Variants in REXO4 observed in about 807,000 individuals in gnomAD.
The protein encoded by REXO4 is RNA exonuclease 4.
A neutral mutation model predicts 39.9 loss-of-function variants in REXO4; 29 were observed. The ratio of observed to expected loss-of-function variants is 0.73; its 90% CI spans 0.54 to 0.99. The LOEUF (loss-of-function observed/expected upper bound fraction) is 0.99, where lower values mean the gene tolerates loss of function less well. REXO4 is among the 50% of genes least tolerant of loss of function. The pLI is 0.00. For synonymous variants in REXO4, 184 were observed against 206.2 expected, an observed-to-expected ratio of 0.89 and a Z score of 0.92; for missense variants, 524 against 546.5, an observed-to-expected ratio of 0.96 and a Z score of 0.41.
intron 1 of REXO4, among the ~76,000 whole-genome samples, 189 bp from the exon 2 acceptor site, chr9:133,415,200 TGTG>T (rs1554781300): frequency 6.6e-6 from 1 of 152,200 alleles, no homozygotes; most frequent in Non-Finnish European, 1.5e-5. Flanking sequence ...ATGGGTCACT[TGTG>T]GTGAAATGCT....
chr9:133,414,148 C>T (rs1554780884), intron 2 of REXO4, among the ~76,000 whole-genome samples: 1 of 152,214 alleles, frequency 6.6e-6, no homozygotes. Flanking sequence ...CAGCTCACTG[C>T]AGCCTCAACC....
chr9:133,408,736 A>G (rs781936701), intron 6 of REXO4, 32 bp downstream of exon 6: 28 of 1,426,914 alleles, frequency 2.0e-5, no homozygotes, highest in Non-Finnish European at 2.8e-5. Flanking sequence ...AAACAGAAAT[A>G]CAGTATCTTG....
At chr9:133,410,919 G>T in intron 5 of REXO4, 66 bp downstream of exon 5, 1 of 1,197,378 alleles carries the variant, frequency 8.4e-7, no homozygotes, top group Non-Finnish European at 1.2e-6. Flanking sequence ...CCCCAACACA[G>T]CAAGGGCGTG....
At chr9:133,407,739 G>T in intron 7 of REXO4, 68 bp downstream of exon 7, 3 of 1,267,680 alleles carry the variant, frequency 2.4e-6, no homozygotes, top group South Asian at 2.5e-5. Context: ...TGTGTCAGGT[G>T]ACTCATGTCT....
In REXO4 at chr9:133,406,151, T is replaced by C. The variant is rs946880930; in HGVS notation, c.*802A>G. 6 of 152,384 alleles carry C rather than the reference T, an allele frequency of 3.9e-5. No individual in the cohort carries two copies. Among genetic ancestry groups the C allele is most frequent in the African/African-American group, 1.2e-4 (5 of 41,584 alleles). The allele number at this position is 152,384 out of a possible 1,614,324, so 9.4% of individuals were successfully genotyped here. ...AGCTGTCAGGTGGCCCAATAACGCC[T>C]TGGACTCCGTCCCCTTGTCAGTGCC... On this transcript the variant is annotated 3_prime_UTR_variant, in exon 8 of 8. Coordinates refer to ENST00000371942, the MANE Select transcript of REXO4 (RefSeq NM_020385.4).
At chr9:133,416,992 C>A (rs1323779511) in intron 1 of REXO4, among the ~76,000 whole-genome samples, 3 of 152,208 alleles carry the variant, frequency 2.0e-5, no homozygotes, top group African/African-American at 7.2e-5. Context: ...CCCTGTCTTG[C>A]TACACAGACC....
chr9:133,408,787 G>A lies in REXO4; in HGVS notation c.1055C>T (p.Pro352Leu), dbSNP rs1449082549. The A allele has an allele frequency of 2.5e-6, 4 of 1,597,160 alleles. No individual in the cohort carries two copies. The highest frequency in any genetic ancestry group is 1.1e-5 in the South Asian group (1 of 90,314). Residue 352 changes from proline (P) to leucine (L), a missense_variant, in exon 6 of 8, where the codon CCT becomes CTT. By Grantham distance (98) the Pro-to-Leu change is moderately conservative. Transcript: ENST00000371942. ...AAGTACCTTTACTTGACTCTTGAAA[G>A]GTTTATATTTCTGTGTGTCCCGAAT... ...KKIRDTQKYK[P>L]FKSQVKSGRP...
intron 1 of REXO4, among the ~76,000 whole-genome samples, chr9:133,417,187 G>A (rs1839682898): frequency 6.6e-6 from 1 of 152,170 alleles, no homozygotes; most frequent in Non-Finnish European, 1.5e-5. Context: ...AATATTTTTT[G>A]TACTTTTTTA....
chr9:133,413,317 G>C (rs1839342710), intron 2 of REXO4, among the ~76,000 whole-genome samples: 1 of 152,128 alleles, frequency 6.6e-6, no homozygotes, highest in Non-Finnish European at 1.5e-5. Context: ...GGCCAGGCTG[G>C]TCTTGAACTC....
intron 2 of REXO4, chr9:133,414,317 C>A (rs1554780932): frequency 2.0e-6 from 1 of 491,388 alleles, no homozygotes; most frequent in South Asian, 1.6e-5. Context: ...CCATGACTAC[C>A]ACAAGGCACA....
At chr9:133,408,212 A>T (rs1207787530) in intron 6 of REXO4, among the ~76,000 whole-genome samples, 2 of 152,146 alleles carry the variant, frequency 1.3e-5, no homozygotes, top group Admixed American at 1.3e-4. Flanking sequence ...CTCAGCACTT[A>T]GGAGGCCAAC....
chr9:133,415,038 GC>G, intron 1 of REXO4, 27 bp from the exon 2 acceptor site: 1 of 1,551,176 alleles, frequency 6.4e-7, no homozygotes, highest in Non-Finnish European at 8.7e-7. Flanking sequence ...AATACATGCT[GC>G]ATTTGAATTT....
intron 6 of REXO4, 133 bp from the exon 7 acceptor site, chr9:133,408,014 C>T: frequency 1.6e-6 from 1 of 640,518 alleles, no homozygotes; most frequent in Non-Finnish European, 2.7e-6. Context: ...TGGAGAGGTG[C>T]TCATGGCACT....
At chr9:133,416,568 T>C (rs1349567326) in intron 1 of REXO4, among the ~76,000 whole-genome samples, 1 of 151,960 alleles carries the variant, frequency 6.6e-6, no homozygotes, top group Non-Finnish European at 1.5e-5. Context: ...TAACAGGAGG[T>C]AGCTCCAAGG....
At chr9:133,414,393 G>C (rs1369555798) in intron 2 of REXO4, 2 of 653,072 alleles carry the variant, frequency 3.1e-6, no homozygotes, top group Non-Finnish European at 5.6e-6. Context: ...CTCATACTTG[G>C]GTCTTTCTGG....
At chr9:133,416,109 A>G (rs1346637393) in intron 1 of REXO4, among the ~76,000 whole-genome samples, 1 of 152,254 alleles carries the variant, frequency 6.6e-6, no homozygotes, top group Non-Finnish European at 1.5e-5. Context: ...GCATGGTGCC[A>G]GCATCTGCTT....
intron 1 of REXO4, among the ~76,000 whole-genome samples, chr9:133,417,262 C>G (rs1554781832): frequency 6.6e-6 from 1 of 152,240 alleles, no homozygotes; most frequent in East Asian, 1.9e-4. Flanking sequence ...GGGGATCTGC[C>G]CGCCTCGGCC....
intron 1 of REXO4, among the ~76,000 whole-genome samples, chr9:133,417,384 G>T (rs1933266622): frequency 6.6e-6 from 1 of 152,248 alleles, no homozygotes; most frequent in Admixed American, 6.5e-5. Context: ...TATGCAAAAG[G>T]TACAAGGGTT....
intron 6 of REXO4, among the ~76,000 whole-genome samples, chr9:133,408,554 A>G (rs1338071521): frequency 6.6e-6 from 1 of 152,134 alleles, no homozygotes; most frequent in African/African-American, 2.4e-5. Flanking sequence ...ACCCTGTTTC[A>G]GAGGTTAGAG....
Sources: gnomAD v4.1 joint callset for allele counts (sites outside exome capture counted in the v4.1 genomes callset) on GRCh38, gnomAD v4.1.1 for gene constraint, MANE v1.5 for transcripts, NCBI Gene and HGNC (gene_info 2026-07-23, HGNC 2026-07-21) for gene names.